C12orf42: variants seen among roughly 807,000 people sequenced by gnomAD.
C12orf42 encodes uncharacterized protein C12orf42.
In C12orf42, 25 loss-of-function variants were observed where a neutral mutation model predicts 21.6. That is an observed-to-expected ratio of 1.16 (90% CI 0.84 to 1.62). The LOEUF (loss-of-function observed/expected upper bound fraction) is 1.62, where lower values mean the gene tolerates loss of function less well. Ranked by LOEUF, C12orf42 falls within the 40% of genes most tolerant of loss-of-function variation. C12orf42 has a pLI of 0.00. For synonymous variants in C12orf42, 174 were observed against 175.0 expected (o/e 0.99, Z 0.05); for missense variants, 483 against 459.3 (o/e 1.05, Z -0.47).
At chr12:103,516,352 T>G in the C12orf42 span, among the ~76,000 whole-genome samples, 9 of 152,216 alleles carry the variant, frequency 5.9e-5, no homozygotes, top group Non-Finnish European at 8.8e-5. Context: ...GTAAACCTGA[T>G]GGAAAGCAAC....
chr12:103,063,258 A>C, the C12orf42 span, among the ~76,000 whole-genome samples: 1 of 152,178 alleles, frequency 6.6e-6, no homozygotes, highest in South Asian at 2.1e-4. Context: ...TGCCCTTAGT[A>C]AGAACCTTAT....
intron 4 of C12orf42, among the ~76,000 whole-genome samples, chr12:103,339,341 A>C (rs539514384): frequency 6.6e-6 from 1 of 152,186 alleles, no homozygotes; most frequent in African/African-American, 2.4e-5. Context: ...ATTTCTCCCC[A>C]TCGTCTCCCT....
downstream of C12orf42, among the ~76,000 whole-genome samples, chr12:103,299,606 A>G (rs1018155964): frequency 3.3e-5 from 5 of 152,238 alleles, no homozygotes; most frequent in African/African-American, 1.2e-4. Context: ...ACTGTAACTC[A>G]GAACCTGTGA....
intron 2 of C12orf42, among the ~76,000 whole-genome samples, chr12:103,473,533 T>A (rs1196491247): frequency 6.6e-6 from 1 of 152,240 alleles, no homozygotes; most frequent in Admixed American, 6.5e-5. Flanking sequence ...ACAGTGAATG[T>A]GACAGGTGCA....
the C12orf42 span, among the ~76,000 whole-genome samples, chr12:103,171,892 TG>T: frequency 1.3e-5 from 2 of 152,052 alleles, no homozygotes; most frequent in Non-Finnish European, 2.9e-5. Context: ...CCAGTGTCAA[TG>T]GCACAGAAAG....
At chr12:103,188,391 G>A in the C12orf42 span, among the ~76,000 whole-genome samples, 296 of 152,170 alleles carry the variant, frequency 1.9e-3, 2 homozygotes, top group African/African-American at 7.0e-3. Flanking sequence ...CCTATCACCT[G>A]AACAGTATAC....
At chr12:103,138,941 G>C in the C12orf42 span, among the ~76,000 whole-genome samples, 4 of 151,908 alleles carry the variant, frequency 2.6e-5, no homozygotes, top group Admixed American at 2.6e-4. Flanking sequence ...TCAATATCAT[G>C]CAGTTTAGCA....
intron 2 of C12orf42, among the ~76,000 whole-genome samples, chr12:103,449,463 C>T (rs2137454065): frequency 6.6e-6 from 1 of 151,820 alleles, no homozygotes; most frequent in South Asian, 2.1e-4. Context: ...TAACCAAACA[C>T]CCCCTGTTCC....
chr12:103,153,471 A>G, the C12orf42 span, among the ~76,000 whole-genome samples: 1 of 152,182 alleles, frequency 6.6e-6, no homozygotes, highest in African/African-American at 2.4e-5. Context: ...GAACCTCACA[A>G]ATCAATTTTA....
intron 2 of C12orf42, among the ~76,000 whole-genome samples, chr12:103,438,100 A>G (rs1231304274): frequency 6.7e-6 from 1 of 149,880 alleles, no homozygotes; most frequent in Admixed American, 6.7e-5. Context: ...GGCTGGTTCA[A>G]CATCTGCAAA....
the C12orf42 span, among the ~76,000 whole-genome samples, chr12:103,520,844 G>T: frequency 1.3e-5 from 2 of 152,152 alleles, no homozygotes; most frequent in Admixed American, 6.5e-5. Context: ...CTGCCTCCCT[G>T]TTACTACATG....
intron 2 of C12orf42, among the ~76,000 whole-genome samples, chr12:103,476,060 C>T (rs980467347): frequency 6.6e-6 from 1 of 152,140 alleles, no homozygotes; most frequent in Non-Finnish European, 1.5e-5. Context: ...ACAGAGTGTG[C>T]ATTTCCTTGC....
chr12:103,421,807 A>T (rs1218011461), intron 2 of C12orf42, among the ~76,000 whole-genome samples: 3 of 152,182 alleles, frequency 2.0e-5, no homozygotes, highest in East Asian at 3.8e-4. Flanking sequence ...TGTGCAAAAG[A>T]TACAAATTAA....
At chr12:103,194,030 T>C in the C12orf42 span, among the ~76,000 whole-genome samples, 2 of 152,076 alleles carry the variant, frequency 1.3e-5, no homozygotes, top group Non-Finnish European at 2.9e-5. Flanking sequence ...CACATGCAAG[T>C]TAATCAGTAT....
At chr12:103,435,565 T>C (rs796761394) in intron 2 of C12orf42, among the ~76,000 whole-genome samples, 5 of 152,092 alleles carry the variant, frequency 3.3e-5, no homozygotes, top group East Asian at 1.9e-4. Flanking sequence ...AAGGAGGTGA[T>C]GGAGCTGAAA....
At chr12:103,413,042 G>A (rs560794251) in intron 2 of C12orf42, among the ~76,000 whole-genome samples, 2 of 152,336 alleles carry the variant, frequency 1.3e-5, no homozygotes, top group Middle Eastern at 3.4e-3. Flanking sequence ...CAAGGCCAAT[G>A]TCAAGAAGAG....
the C12orf42 span, among the ~76,000 whole-genome samples, chr12:103,523,275 CTCA>C: frequency 6.6e-6 from 1 of 152,118 alleles, no homozygotes; most frequent in African/African-American, 2.4e-5. Flanking sequence ...GAATAAATGT[CTCA>C]TCATTTCTTT....
chr12:103,146,880 T>G, the C12orf42 span, among the ~76,000 whole-genome samples: 1 of 152,120 alleles, frequency 6.6e-6, no homozygotes, highest in Non-Finnish European at 1.5e-5. Flanking sequence ...CATTTGGCCA[T>G]GGGAAGAAGA....
the C12orf42 span, among the ~76,000 whole-genome samples, chr12:103,072,035 C>T: frequency 1.1e-4 from 17 of 152,142 alleles, no homozygotes; most frequent in African/African-American, 3.9e-4. Flanking sequence ...ACATCTAGAG[C>T]TCCCAAAAAT....
Sources: allele counts gnomAD v4.1 joint callset (sites outside exome capture counted in the v4.1 genomes callset), GRCh38; gene constraint gnomAD v4.1.1; transcripts MANE v1.5; gene names NCBI Gene and HGNC (gene_info 2026-07-23, HGNC 2026-07-21).